The following RAB8A variants were observed in gnomAD, a reference collection of about 807,000 sequenced individuals.
RAB8A encodes RAB8A, member RAS oncogene family.
Under a neutral mutation model 29.2 loss-of-function variants are expected in RAB8A, and 5 were observed. The observed-to-expected ratio is 0.17, with a 90% CI of 0.09 to 0.36. The LOEUF (loss-of-function observed/expected upper bound fraction) is 0.36. Among genes scored for constraint, RAB8A ranks in the 10% least tolerant of loss-of-function variants. The pLI, the probability that RAB8A is intolerant of heterozygous loss-of-function variation, is 1.00. For missense variants in RAB8A, 171 were observed against 272.2 expected, an observed-to-expected ratio of 0.63 and a Z score of 2.62; for synonymous variants, 108 against 99.9, an observed-to-expected ratio of 1.08 and a Z score of -0.49.
chr19:16,132,441 T>C lies in RAB8A; in HGVS notation c.*137T>C, dbSNP rs1451806465. On this transcript the variant is annotated 3_prime_UTR_variant, in exon 8 of 8. Coordinates refer to ENST00000300935, the MANE Select transcript of RAB8A (RefSeq NM_005370.5). This position sits in a 1 kb window ranked among gnomAD's most constrained non-coding sequence, Gnocchi z 5.6. ...GCCACCGGGCCCACGGCCACCAGAA[T>C]GCAATTGAGAAATCGTTTATTTTAG... 2 of 700,366 alleles carry C rather than the reference T, an allele frequency of 2.9e-6. No homozygotes were observed. The highest frequency in any genetic ancestry group is 5.5e-5 in the East Asian group (2 of 36,066). 43.4% of individuals were successfully genotyped at this position (700,366 alleles called of 1,614,324 possible).
chr19:16,128,210 C>A, intron 6 of RAB8A, 119 bp downstream of exon 6: 1 of 1,078,358 alleles, frequency 9.3e-7, no homozygotes, highest in Non-Finnish European at 1.4e-6. Context: ...GGGCTCAGGG[C>A]TGCCAGTCAG....
chr19:16,128,961 C>G (rs1193290315), intron 6 of RAB8A, among the ~76,000 whole-genome samples: 1 of 152,208 alleles, frequency 6.6e-6, no homozygotes, highest in African/African-American at 2.4e-5. Context: ...TCTGTATGTC[C>G]CCTCCTCAAG....
At position 16,132,621 on chromosome 19, in the gene RAB8A, C is replaced by G. The variant is rs1599401247; in HGVS notation, c.*317C>G. The G allele has an allele frequency of 1.2e-5, 4 of 335,856 alleles. No homozygotes were observed. Among genetic ancestry groups the G allele is most frequent in the African/African-American group, 2.2e-5 (1 of 46,158 alleles). 20.8% of individuals were successfully genotyped at this position (335,856 alleles called of 1,614,324 possible). On this transcript the variant is annotated 3_prime_UTR_variant, in exon 8 of 8. Transcript: ENST00000300935. This position sits in a 1 kb window ranked among gnomAD's most constrained non-coding sequence, Gnocchi z 5.6. The stretch of plus-strand genomic sequence containing the variant: ...CCGTCGACCACAGCCAGTGTCAGGC[C>G]TCTGCCTCTGGGCCTTTGCTTTGTG...
chr19:16,132,597 C>G lies in RAB8A; in HGVS notation c.*293C>G. 1 of 393,114 alleles carries G rather than the reference C, an allele frequency of 2.5e-6. No individual in the cohort carries two copies. The highest frequency in any genetic ancestry group is 2.4e-5 in the South Asian group (1 of 40,874). 24.4% of individuals were successfully genotyped at this position (393,114 alleles called of 1,614,324 possible). ...GAGAGAGAGGGAGTCAAGGTGTGAC[C>G]GTCGACCACAGCCAGTGTCAGGCCT... On this transcript the variant is annotated 3_prime_UTR_variant, in exon 8 of 8. Transcript: ENST00000300935. The surrounding 1 kb of genome is among the most constrained non-coding windows in gnomAD (Gnocchi z 5.6).
chr19:16,131,849 T>A (rs1479517427), intron 7 of RAB8A, among the ~76,000 whole-genome samples: 1 of 98,206 alleles, frequency 1.0e-5, no homozygotes, highest in Non-Finnish European at 2.0e-5. Flanking sequence ...AGGGTATAGA[T>A]GGATGGTTGG....
At position 16,132,614 on chromosome 19, in the gene RAB8A, G is replaced by A. The variant is rs2090931828; in HGVS notation, c.*310G>A. On this transcript the variant is annotated 3_prime_UTR_variant, in exon 8 of 8. Coordinates refer to ENST00000300935, the MANE Select transcript of RAB8A (RefSeq NM_005370.5). This position sits in a 1 kb window ranked among gnomAD's most constrained non-coding sequence, Gnocchi z 5.6. ...GGTGTGACCGTCGACCACAGCCAGT[G>A]TCAGGCCTCTGCCTCTGGGCCTTTG... The A allele has an allele frequency of 2.9e-6, 1 of 349,288 alleles. No individual in the cohort carries two copies. Among genetic ancestry groups the A allele is most frequent in the Non-Finnish European group, 5.4e-6 (1 of 185,306 alleles). 21.6% of individuals were successfully genotyped at this position (349,288 alleles called of 1,614,324 possible). A position where few individuals can be genotyped will look rare whatever the true frequency, so the allele number is the denominator to read the frequency against.
At position 16,125,065 on chromosome 19, in the gene RAB8A, G is replaced by T; in HGVS notation, c.247-405G>T. ...GCGTGGGGTGAGCAAGGGGTGAAGAGGAGGCCGATTGCAGGGGAGGGTCAG... is the reference window on the plus strand; with the variant it reads ...GCGTGGGGTGAGCAAGGGGTGAAGATGAGGCCGATTGCAGGGGAGGGTCAG... On this transcript the variant is annotated intron_variant, in intron 3 of 7. Transcript: ENST00000300935. The surrounding 1 kb of genome is among the most constrained non-coding windows in gnomAD (Gnocchi z 5.0). 1 of 295,610 alleles carries T rather than the reference G, an allele frequency of 3.4e-6. No individual in the cohort carries two copies. Among genetic ancestry groups the T allele is most frequent in the South Asian group, 3.5e-5 (1 of 28,194 alleles). 18.3% of individuals were successfully genotyped at this position (295,610 alleles called of 1,614,324 possible). A position where few individuals can be genotyped will look rare whatever the true frequency, so the allele number is the denominator to read the frequency against.
rs774288402 is a variant in RAB8A, at chr19:16,129,608, AGT to A, written c.531+11_531+12del. ...AGCAAAAATGGACAAAAAATTGGTGAGTGTGTGTCCTTCCGAGATCCCCGGGT... is the reference window on the plus strand; with the variant it reads ...AGCAAAAATGGACAAAAAATTGGTGAGTGTGTCCTTCCGAGATCCCCGGGT... On this transcript the variant is annotated splice_donor_5th_base_variant and intron_variant, in intron 7 of 7. Coordinates refer to ENST00000300935, the MANE Select transcript of RAB8A (RefSeq NM_005370.5). 14 of 1,613,602 alleles carry A rather than the reference AGT, an allele frequency of 8.7e-6. No homozygotes were observed. The highest frequency in any genetic ancestry group is 1.2e-5 in the Non-Finnish European group (14 of 1,179,876).
chr19:16,128,751 A>G (rs955245415), intron 6 of RAB8A, among the ~76,000 whole-genome samples: 5 of 151,986 alleles, frequency 3.3e-5, no homozygotes, highest in Non-Finnish European at 5.9e-5. Flanking sequence ...CCCTTCTCCA[A>G]TACGTCACTG....
rs1030293919 is a variant in RAB8A at position 16,127,326 on chromosome 19, C to G, written c.325-111C>G. 15 of 583,990 alleles carry G rather than the reference C, an allele frequency of 2.6e-5. No individual in the cohort carries two copies. Among genetic ancestry groups the G allele is most frequent in the Non-Finnish European group, 3.7e-5 (14 of 373,536 alleles). 36.2% of individuals were successfully genotyped at this position (583,990 alleles called of 1,614,324 possible). A position where few individuals can be genotyped will look rare whatever the true frequency, so the allele number is the denominator to read the frequency against. On this transcript the variant is annotated intron_variant, in intron 4 of 7. Transcript: ENST00000300935. The surrounding 1 kb of genome is among the most constrained non-coding windows in gnomAD (Gnocchi z 4.8). ...GCTTGTCCCTTAGACCAGGCTGTAC[C>G]TAGCAGTCCTGACCCCACCGCTCTG...
Position 16,122,657 on chromosome 19 carries a change from A to G in RAB8A, c.246+847A>G, listed in dbSNP as rs539904686. Among the ~76,000 whole-genome samples the G allele has an allele frequency of 3.9e-5, 6 of 152,252 alleles. 2 individuals carry two copies. Among genetic ancestry groups the G allele is most frequent in the African/African-American group, 1.4e-4 (6 of 41,552 alleles). On this transcript the variant is annotated intron_variant, in intron 3 of 7. Coordinates refer to ENST00000300935, the MANE Select transcript of RAB8A (RefSeq NM_005370.5). This position sits in a 1 kb window ranked among gnomAD's most constrained non-coding sequence, Gnocchi z 4.7. ...GCAGCGCCACATCCTGGTCCCTGCC[A>G]TCTGCCTGGCCCCGGGGAACCTGCT...
chr19:16,121,901 T>G, intron 3 of RAB8A, 91 bp downstream of exon 3: 2 of 1,317,306 alleles, frequency 1.5e-6, no homozygotes, highest in Admixed American at 1.8e-5. Context: ...TAGATGTTTC[T>G]GTGGAGCCCG....
intron 3 of RAB8A, chr19:16,124,994 CA>C: frequency 4.7e-5 from 8 of 168,814 alleles, no homozygotes; most frequent in South Asian, 4.5e-4. Context: ...GATGTCGGGT[CA>C]GGACTTCCTG....
rs768071919 is a variant in RAB8A, at chr19:16,111,943, C to T, written c.42C>T (p.Ile14=). The change falls in exon 1 of 8, where the codon ATC becomes ATT. Residue 14 remains isoleucine (I), a synonymous_variant. Transcript: ENST00000300935. ...ATTACCTGTTCAAGCTGCTGCTGAT[C>T]GGGGACTCGGGGGTGGGGAAGACCT... ...TYDYLFKLLL[I]GDSGVGKTCV... 29 of 1,614,022 alleles carry T rather than the reference C, an allele frequency of 1.8e-5. No individual in the cohort carries two copies. In the South Asian group the frequency reaches 2.9e-4, roughly 16 times the overall value.
chr19:16,114,551 A>AT (rs758614217), intron 1 of RAB8A, among the ~76,000 whole-genome samples: 19,972 of 117,694 alleles, frequency 0.17, 1,638 homozygotes, highest in Middle Eastern at 0.24. Context: ...TAATTTTTGT[A>AT]TTTTTTTTTT....
chr19:16,125,803 GT>G lies in RAB8A; in HGVS notation c.324+258del, dbSNP rs1215370511. The stretch of plus-strand genomic sequence containing the variant: ...GCTGTTGGATCTGGCCAGTGTCATG[GT>G]TATAAGAGAAAGGATATCCAAGCTT... On this transcript the variant is annotated intron_variant, in intron 4 of 7. Coordinates refer to ENST00000300935, the MANE Select transcript of RAB8A (RefSeq NM_005370.5). This position sits in a 1 kb window ranked among gnomAD's most constrained non-coding sequence, Gnocchi z 5.0. 1.3e-5 allele frequency: 8 copies of G among 606,784 alleles called. No homozygotes were observed. Among genetic ancestry groups the G allele is most frequent in the Non-Finnish European group, 2.1e-5 (7 of 332,274 alleles). 37.6% of individuals were successfully genotyped at this position (606,784 alleles called of 1,614,324 possible). A position where few individuals can be genotyped will look rare whatever the true frequency, so the allele number is the denominator to read the frequency against.
chr19:16,130,144 C>G (rs939198043), intron 7 of RAB8A, among the ~76,000 whole-genome samples: 2 of 144,110 alleles, frequency 1.4e-5, no homozygotes, highest in Admixed American at 1.4e-4. Context: ...CCCTCTCATT[C>G]GTTTCTTGCT....
intron 2 of RAB8A, 36 bp downstream of exon 2, chr19:16,118,322 G>A: frequency 6.3e-7 from 1 of 1,588,624 alleles, no homozygotes; most frequent in Non-Finnish European, 8.6e-7. Context: ...CTCTCCACCT[G>A]GCAATGGCTT....
At chr19:16,119,325 C>T (rs551025557) in intron 2 of RAB8A, among the ~76,000 whole-genome samples, 1 of 152,256 alleles carries the variant, frequency 6.6e-6, no homozygotes, top group African/African-American at 2.4e-5. Context: ...CCTGCCTCAG[C>T]CTCCCAAGTA....
Sources: gnomAD v4.1 joint callset for allele counts (sites outside exome capture counted in the v4.1 genomes callset) on GRCh38, gnomAD v4.1.1 for gene constraint, Gnocchi (gnomAD v3.1) non-coding constraint, MANE v1.5 for transcripts, NCBI Gene and HGNC (gene_info 2026-07-23, HGNC 2026-07-21) for gene names.